Variants in NRG4 observed in about 807,000 individuals in gnomAD.
NRG4 encodes the protein pro-neuregulin-4, membrane-bound isoform.
A neutral mutation model predicts 15.0 loss-of-function variants in NRG4; 10 were observed. The observed-to-expected ratio is 0.67, with a 90% CI of 0.41 to 1.13. The LOEUF is 1.13. Ranked by LOEUF, NRG4 falls within the 50% of genes most tolerant of loss-of-function variation. NRG4 has a pLI of 0.00. For synonymous variants in NRG4, 41 were observed against 50.1 expected (o/e 0.82, Z 0.77); for missense variants, 139 against 140.2 (o/e 0.99, Z 0.04).
At chr15:76,023,180 ACAC>A (rs780555259) in intron 5 of NRG4, among the ~76,000 whole-genome samples, 5,826 of 139,288 alleles carry the variant, frequency 0.042, 218 homozygotes, top group Non-Finnish European at 0.06. Flanking sequence ...ACACACACAC[ACAC>A]AAGCAAGGAC....
intron 2 of NRG4, among the ~76,000 whole-genome samples, chr15:76,054,176 C>T (rs1393892052): frequency 6.6e-6 from 1 of 150,626 alleles, no homozygotes; most frequent in African/African-American, 2.5e-5. Context: ...CAACCTCTGC[C>T]TCCCAGGCTC....
intron 5 of NRG4, among the ~76,000 whole-genome samples, chr15:76,026,769 T>C (rs2035326207): frequency 6.6e-6 from 1 of 152,120 alleles, no homozygotes; most frequent in African/African-American, 2.4e-5. Context: ...ATAATAACCT[T>C]GCATGCCAAT....
chr15:75,966,581 C>T (rs1020539546), intron 3 of NRG4, among the ~76,000 whole-genome samples: 22 of 152,144 alleles, frequency 1.4e-4, no homozygotes, highest in African/African-American at 5.1e-4. Flanking sequence ...CAGAAAAAAA[C>T]CCCATGTTTA....
At chr15:76,049,086 T>C (rs2141962547) in intron 4 of NRG4, among the ~76,000 whole-genome samples, 1 of 150,500 alleles carries the variant, frequency 6.6e-6, no homozygotes, top group Middle Eastern at 3.4e-3. Context: ...TCTGTCAACA[T>C]TGTTCCAGGA....
At chr15:75,995,296 T>C (rs1351709303) in intron 3 of NRG4, among the ~76,000 whole-genome samples, 1 of 152,060 alleles carries the variant, frequency 6.6e-6, no homozygotes, top group African/African-American at 2.4e-5. Context: ...CTGCTTCTGG[T>C]GAGCACTCAG....
intron 4 of NRG4, among the ~76,000 whole-genome samples, chr15:76,051,001 A>T (rs1390486943): frequency 6.9e-6 from 1 of 145,268 alleles, no homozygotes; most frequent in African/African-American, 2.7e-5. Flanking sequence ...TTATTTATTT[A>T]TTTATTTTTA....
chr15:75,954,604 T>C (rs1164818378), intron 5 of NRG4, among the ~76,000 whole-genome samples: 2 of 151,770 alleles, frequency 1.3e-5, no homozygotes, highest in Non-Finnish European at 2.9e-5. Context: ...TTTTGTATTT[T>C]AGTAGAGATG....
chr15:75,956,246 A>AT (rs1016580168), intron 4 of NRG4, among the ~76,000 whole-genome samples: 2 of 152,214 alleles, frequency 1.3e-5, no homozygotes, highest in Non-Finnish European at 2.9e-5. Flanking sequence ...ATTAGTACAC[A>AT]TAGATCATCT....
At chr15:76,054,869 T>C (rs916785048) in intron 2 of NRG4, among the ~76,000 whole-genome samples, 6 of 152,244 alleles carry the variant, frequency 3.9e-5, no homozygotes, top group Non-Finnish European at 8.8e-5. Context: ...TACTGGTTTG[T>C]TTGCAGTACT....
chr15:75,998,523 T>C (rs1376705565), intron 3 of NRG4, among the ~76,000 whole-genome samples: 3 of 152,068 alleles, frequency 2.0e-5, no homozygotes, highest in Admixed American at 6.6e-5. Flanking sequence ...AGAGGCTAAT[T>C]TGGCTGCAGT....
intron 3 of NRG4, among the ~76,000 whole-genome samples, chr15:75,968,149 T>C (rs2032909818): frequency 6.6e-6 from 1 of 152,220 alleles, no homozygotes; most frequent in Admixed American, 6.5e-5. Flanking sequence ...GGTTGGGTCA[T>C]GAGAGTACTG....
chr15:75,981,947 A>G (rs1162979994), intron 3 of NRG4, among the ~76,000 whole-genome samples: 1 of 152,126 alleles, frequency 6.6e-6, no homozygotes, highest in Non-Finnish European at 1.5e-5. Context: ...ACCCCCAAAG[A>G]AACAGAAAAT....
chr15:76,047,129 C>T (rs1434326507), intron 4 of NRG4, among the ~76,000 whole-genome samples: 3 of 150,428 alleles, frequency 2.0e-5, no homozygotes, highest in Admixed American at 2.0e-4. Context: ...ATAAAAGATA[C>T]TGGTGGGGAT....
chr15:76,036,059 T>G (rs2035590432), intron 4 of NRG4: 2 of 152,250 alleles, frequency 1.3e-5, no homozygotes, highest in African/African-American at 4.8e-5. Context: ...CCTAGTATGT[T>G]AATAAATTTG....
rs529857162 is a variant in NRG4 at position 76,043,283 on chromosome 15, T to C, written c.-104-7292A>G. Among the ~76,000 whole-genome samples, 3 of 152,282 alleles carry C rather than the reference T, an allele frequency of 2.0e-5. No individual in the cohort carries two copies. In the South Asian group the frequency reaches 6.2e-4, roughly 32 times the overall value. ...TCACCACTGTTATTCAACATGGTAT[T>C]GGAAGTCCTACCTAGAGCAATAGGA... On this transcript the variant is annotated intron_variant, in intron 4 of 8. Coordinates refer to the NRG4 transcript ENST00000563910.
intron 5 of NRG4, among the ~76,000 whole-genome samples, chr15:75,951,759 C>A (rs1001485230): frequency 2.0e-5 from 3 of 152,092 alleles, no homozygotes; most frequent in Non-Finnish European, 1.5e-5. Flanking sequence ...TCTTATTATA[C>A]ATTTTGCTTT....
At chr15:75,995,682 C>G (rs1214252712) in intron 3 of NRG4, among the ~76,000 whole-genome samples, 1 of 152,130 alleles carries the variant, frequency 6.6e-6, no homozygotes, top group African/African-American at 2.4e-5. Context: ...TTATATAATG[C>G]AAATTGAATT....
chr15:75,960,824 G>A (rs1332980113), intron 4 of NRG4, among the ~76,000 whole-genome samples: 1 of 152,076 alleles, frequency 6.6e-6, no homozygotes, highest in East Asian at 1.9e-4. Flanking sequence ...CAATGGGCTT[G>A]TATTTAAATT....
At chr15:75,984,833 T>TTTTTG (rs922850881) in intron 3 of NRG4, among the ~76,000 whole-genome samples, 30 of 152,050 alleles carry the variant, frequency 2.0e-4, no homozygotes, top group Admixed American at 3.9e-4. Context: ...TTTAAAGCAG[T>TTTTTG]TTTTGTTTTG....
Sources: gnomAD v4.1 joint callset for allele counts (sites outside exome capture counted in the v4.1 genomes callset) on GRCh38, gnomAD v4.1.1 for gene constraint, MANE v1.5 for transcripts, NCBI Gene and HGNC (gene_info 2026-07-23, HGNC 2026-07-21) for gene names.